Variants in PTCHD4 observed in about 807,000 individuals in gnomAD.
PTCHD4 encodes patched domain-containing protein 4.
A neutral mutation model predicts 58.1 loss-of-function variants in PTCHD4; 33 were observed. The ratio of observed to expected loss-of-function variants is 0.57; its 90% CI spans 0.43 to 0.76. The LOEUF (loss-of-function observed/expected upper bound fraction) is 0.76. Ranked by LOEUF, PTCHD4 falls within the 30% of genes least tolerant of loss-of-function variation. The pLI, the probability that PTCHD4 is intolerant of heterozygous loss-of-function variation, is 0.00. For synonymous variants in PTCHD4, 478 were observed against 409.6 expected, an observed-to-expected ratio of 1.17 and a Z score of -2.02; for missense variants, 1,058 against 1,027.1, an observed-to-expected ratio of 1.03 and a Z score of -0.41.
At chr6:47,951,144 T>C (rs914201822) in intron 4 of PTCHD4, among the ~76,000 whole-genome samples, 1 of 152,244 alleles carries the variant, frequency 6.6e-6, no homozygotes, top group Non-Finnish European at 1.5e-5. Flanking sequence ...GGCATGATCC[T>C]CTTTGCCTGT....
chr6:48,099,923 AAT>A (rs1765564019), intron 1 of PTCHD4, among the ~76,000 whole-genome samples: 1 of 152,212 alleles, frequency 6.6e-6, no homozygotes, highest in Non-Finnish European at 1.5e-5. Flanking sequence ...CCCCATAAGC[AAT>A]TTCAGTTACT....
At chr6:47,907,927 G>A (rs1043129485) in intron 4 of PTCHD4, among the ~76,000 whole-genome samples, 1 of 152,124 alleles carries the variant, frequency 6.6e-6, no homozygotes, top group African/African-American at 2.4e-5. Context: ...TAGTTAGAAG[G>A]GGAGGATTTT....
chr6:47,964,287 T>A (rs1354169280), intron 4 of PTCHD4, among the ~76,000 whole-genome samples: 2 of 152,152 alleles, frequency 1.3e-5, no homozygotes, highest in African/African-American at 4.8e-5. Context: ...AAACATTTGT[T>A]AGGAGGATAC....
rs548187467 is a variant in PTCHD4 at position 47,886,150 on chromosome 6, T to G, written c.899-6214A>C. Among the ~76,000 whole-genome samples, 119 of 151,840 alleles carry G rather than the reference T, an allele frequency of 7.8e-4. 1 individual carries two copies. Among genetic ancestry groups the G allele is most frequent in the African/African-American group, 2.8e-3 (114 of 41,424 alleles). ...TTTTTTTTTTTTCCCAGAGCAATGT[T>G]GTTCTATAAATCCAATATCATTTTT... On this transcript the variant is annotated intron_variant, in intron 4 of 4. Coordinates refer to ENST00000339488, the MANE Select transcript of PTCHD4 (RefSeq NM_001384253.1).
chr6:47,904,323 G>A (rs941800483), intron 4 of PTCHD4, among the ~76,000 whole-genome samples: 1 of 152,202 alleles, frequency 6.6e-6, no homozygotes, highest in Non-Finnish European at 1.5e-5. Flanking sequence ...TAGAGCAGAG[G>A]TTGGCAAACT....
chr6:48,087,132 G>T (rs1184140679), intron 1 of PTCHD4, among the ~76,000 whole-genome samples: 2 of 152,090 alleles, frequency 1.3e-5, no homozygotes, highest in Admixed American at 6.5e-5. Flanking sequence ...CTTTGTCTGT[G>T]CAGTAATGTG....
intron 4 of PTCHD4, among the ~76,000 whole-genome samples, chr6:47,933,855 G>T (rs10485044): frequency 0.11 from 16,571 of 152,044 alleles, 927 homozygotes; most frequent in Middle Eastern, 0.14. Context: ...TAAACTGCTA[G>T]CCATTTATTT....
At chr6:48,052,985 G>C (rs977950884) in intron 3 of PTCHD4, among the ~76,000 whole-genome samples, 1 of 152,060 alleles carries the variant, frequency 6.6e-6, no homozygotes, top group Admixed American at 6.6e-5. Context: ...TTATGGCTTC[G>C]ATGTAGCTGG....
At position 47,919,902 on chromosome 6, in the gene PTCHD4, C is replaced by A. The variant is rs565552313; in HGVS notation, c.899-39966G>T. Among the ~76,000 whole-genome samples, 10 of 152,186 alleles carry A rather than the reference C, an allele frequency of 6.6e-5. No homozygotes were observed. The South Asian group carries it at 2.1e-3, about 32-fold the overall frequency. On this transcript the variant is annotated intron_variant, in intron 4 of 4. Coordinates refer to ENST00000339488, the MANE Select transcript of PTCHD4 (RefSeq NM_001384253.1). ...TGAGGTCGGGTCATGTGATTGACTT[C>A]TGGCCAGTGGAATGTGGGTGGAAAT...
At chr6:48,004,795 T>C (rs1023724295) in intron 4 of PTCHD4, among the ~76,000 whole-genome samples, 1 of 152,154 alleles carries the variant, frequency 6.6e-6, no homozygotes, top group Non-Finnish European at 1.5e-5. Context: ...CACACGCCTA[T>C]AGTCCCAGCT....
chr6:47,959,066 T>A (rs749213579), intron 4 of PTCHD4, among the ~76,000 whole-genome samples: 27 of 152,184 alleles, frequency 1.8e-4, no homozygotes, highest in African/African-American at 1.4e-4. Flanking sequence ...TGATAAAAAT[T>A]ACCAATTTTT....
In PTCHD4 at chr6:47,870,931, G is replaced by A. The variant is rs1763698717; in HGVS notation, c.*7372C>T. The stretch of plus-strand genomic sequence containing the variant: ...CTATATGTAATAGAGTATTTTAGAA[G>A]GAATATTGTTATGGGTAAAGACATC... On this transcript the variant is annotated 3_prime_UTR_variant, in exon 5 of 5. Transcript: ENST00000339488. Among the ~76,000 whole-genome samples the A allele has an allele frequency of 6.6e-6, 1 of 151,410 alleles. No individual in the cohort carries two copies. The highest frequency in any genetic ancestry group is 1.5e-5 in the Non-Finnish European group (1 of 67,636).
chr6:47,886,737 G>A (rs1441015943), intron 4 of PTCHD4, among the ~76,000 whole-genome samples: 2 of 152,200 alleles, frequency 1.3e-5, no homozygotes, highest in Non-Finnish European at 2.9e-5. Context: ...TTAAGTTATT[G>A]TTCACTTCTT....
intron 4 of PTCHD4, among the ~76,000 whole-genome samples, chr6:47,971,318 A>G (rs184296262): frequency 2.0e-5 from 3 of 150,782 alleles, no homozygotes; most frequent in Admixed American, 2.0e-4. Context: ...TTGGAAATTG[A>G]AAGTATGATT....
intron 3 of PTCHD4, among the ~76,000 whole-genome samples, chr6:48,052,489 A>T (rs758968086): frequency 6.6e-6 from 1 of 152,016 alleles, no homozygotes; most frequent in East Asian, 1.9e-4. Context: ...GGAAATTTAG[A>T]TATAACAGAG....
chr6:48,035,435 A>C (rs959001204), intron 3 of PTCHD4, among the ~76,000 whole-genome samples: 15 of 152,164 alleles, frequency 9.9e-5, no homozygotes, highest in Admixed American at 3.3e-4. Context: ...ATTATGATTC[A>C]GAAATTATGA....
chr6:47,997,670 G>T (rs1768551090), intron 4 of PTCHD4, among the ~76,000 whole-genome samples: 1 of 152,114 alleles, frequency 6.6e-6, no homozygotes, highest in African/African-American at 2.4e-5. Context: ...TTGAATATTA[G>T]AATTTTGTCT....
chr6:47,937,251 A>G (rs1766037140), intron 4 of PTCHD4, among the ~76,000 whole-genome samples: 1 of 152,210 alleles, frequency 6.6e-6, no homozygotes, highest in Admixed American at 6.5e-5. Flanking sequence ...ACAGGGCAAG[A>G]GCGGAAGTAG....
chr6:48,090,363 C>T, intron 1 of PTCHD4, among the ~76,000 whole-genome samples: 1 of 152,218 alleles, frequency 6.6e-6, no homozygotes, highest in African/African-American at 2.4e-5. Context: ...GAAAACATTG[C>T]CCCTCCATAG....
Sources: gnomAD v4.1 joint callset for allele counts (sites outside exome capture counted in the v4.1 genomes callset) on GRCh38, gnomAD v4.1.1 for gene constraint, MANE v1.5 for transcripts, NCBI Gene and HGNC (gene_info 2026-07-23, HGNC 2026-07-21) for gene names.